RARB: variants seen among roughly 807,000 people sequenced by gnomAD.
RARB encodes the protein HBV-activated protein.
In RARB, 17 loss-of-function variants were observed where a neutral mutation model predicts 51.9. The observed-to-expected ratio is 0.33, with a 90% CI of 0.22 to 0.49. The LOEUF is 0.49. Among genes scored for constraint, RARB ranks in the 20% least tolerant of loss-of-function variants. The pLI, the probability that RARB is intolerant of heterozygous loss-of-function variation, is 0.99. For synonymous variants in RARB, 215 were observed against 195.4 expected (o/e 1.10, Z -0.84); for missense variants, 369 against 550.8 (o/e 0.67, Z 3.30).
At chr3:25,588,622 C>T (rs1212115289) in intron 5 of RARB, among the ~76,000 whole-genome samples, 2 of 152,224 alleles carry the variant, frequency 1.3e-5, no homozygotes, top group Non-Finnish European at 2.9e-5. Context: ...TTGGGTGGTT[C>T]TGGCTCGGTA....
At chr3:25,330,873 T>A (rs902129229) in intron 5 of RARB, among the ~76,000 whole-genome samples, 1 of 152,110 alleles carries the variant, frequency 6.6e-6, no homozygotes, top group Non-Finnish European at 1.5e-5. Context: ...GGGGTTGTAA[T>A]CCTAGTCTCT....
chr3:25,420,017 C>T (rs974122786), intron 5 of RARB, among the ~76,000 whole-genome samples: 1 of 152,090 alleles, frequency 6.6e-6, no homozygotes, highest in East Asian at 1.9e-4. Context: ...TGGGTTTATA[C>T]CCTGATGTTT....
chr3:25,151,550 A>G (rs969002351), intron 4 of RARB, among the ~76,000 whole-genome samples: 3 of 152,230 alleles, frequency 2.0e-5, no homozygotes, highest in Admixed American at 6.5e-5. Context: ...ATCTATAAAC[A>G]GAACCTACTA....
rs141386215 is a variant in RARB, at chr3:25,205,231, G to A, written c.178+30656G>A. On this transcript the variant is annotated intron_variant, in intron 5 of 11. Coordinates refer to the RARB transcript ENST00000383772. ...GCGTAGGACCCTCTGAGCCAGGCGC[G>A]GGATATAATCTCCTGCTGTGCAGTT... is the stretch of plus-strand genomic sequence containing the variant. 4.3e-3 allele frequency among the ~76,000 whole-genome samples: 649 copies of A among 152,254 alleles called. 3 individuals are homozygous for A. The highest frequency in any genetic ancestry group is 0.015 in the African/African-American group (615 of 41,550).
chr3:24,994,189 A>C (rs1203861919), intron 2 of RARB, among the ~76,000 whole-genome samples: 1 of 152,090 alleles, frequency 6.6e-6, no homozygotes, highest in Non-Finnish European at 1.5e-5. Context: ...CTTTTTAATA[A>C]TAGCCATTCT....
chr3:25,592,744 A>G (rs1701659857), intron 5 of RARB, among the ~76,000 whole-genome samples: 1 of 152,164 alleles, frequency 6.6e-6, no homozygotes. Context: ...GCCTGTAGAA[A>G]TCCTGCCTAC....
intron 5 of RARB, among the ~76,000 whole-genome samples, chr3:25,421,775 A>C (rs1707872264): frequency 6.6e-6 from 1 of 152,164 alleles, no homozygotes; most frequent in South Asian, 2.1e-4. Flanking sequence ...CGTAGGTACC[A>C]TTAATATTTA....
intron 2 of RARB, among the ~76,000 whole-genome samples, chr3:24,964,004 A>G (rs937421269): frequency 2.0e-5 from 3 of 152,194 alleles, no homozygotes; most frequent in African/African-American, 7.2e-5. Context: ...ATGTCTGAAC[A>G]GAACAAAAGG....
chr3:25,214,617 G>A (rs189803943), intron 5 of RARB, among the ~76,000 whole-genome samples: 19 of 152,234 alleles, frequency 1.2e-4, no homozygotes, highest in Middle Eastern at 3.4e-3. Context: ...TTAACAGGGC[G>A]TCCTGAAATG....
intron 2 of RARB, among the ~76,000 whole-genome samples, chr3:25,499,909 C>T (rs1347326349): frequency 6.6e-6 from 1 of 152,120 alleles, no homozygotes; most frequent in Non-Finnish European, 1.5e-5. Context: ...ATGTTTTGCA[C>T]CTACACTAGA....
intron 5 of RARB, among the ~76,000 whole-genome samples, chr3:25,224,808 T>A (rs145891418): frequency 0.022 from 3,278 of 152,112 alleles, 65 homozygotes; most frequent in Middle Eastern, 0.051. Context: ...TTTTGCCATG[T>A]TGCCCAGGCT....
chr3:25,245,025 C>T (rs1702524008), intron 5 of RARB, among the ~76,000 whole-genome samples: 1 of 152,160 alleles, frequency 6.6e-6, no homozygotes, highest in Admixed American at 6.5e-5. Context: ...ATAGTTAGCT[C>T]TTCTTGTTGC....
intron 3 of RARB, among the ~76,000 whole-genome samples, chr3:25,072,157 C>G (rs1034252673): frequency 7.2e-5 from 11 of 152,216 alleles, no homozygotes; most frequent in African/African-American, 2.7e-4. Flanking sequence ...TGCCTCAGTC[C>G]TCTCATTGCC....
At position 25,267,518 on chromosome 3, in the gene RARB, G is replaced by A. The variant is rs536365582; in HGVS notation, c.178+92943G>A. On this transcript the variant is annotated intron_variant, in intron 5 of 11. Coordinates refer to the RARB transcript ENST00000383772. Reference sequence around the variant, plus strand: ...TCCTAACTCTACCACTTACTTCTTTGATCTGTCTTTATCACCTCTTGTTCA... The same window carrying A: ...TCCTAACTCTACCACTTACTTCTTTAATCTGTCTTTATCACCTCTTGTTCA... 6.6e-5 allele frequency among the ~76,000 whole-genome samples: 10 copies of A among 152,116 alleles called. No homozygotes were observed. The South Asian group carries it at 1.7e-3, about 25-fold the overall frequency.
At chr3:25,020,089 G>A (rs1333684133) in intron 2 of RARB, 1 of 150,188 alleles carries the variant, frequency 6.7e-6, no homozygotes, top group African/African-American at 2.4e-5. Context: ...AGGTACAGAT[G>A]TATACTCAAG....
intron 3 of RARB, among the ~76,000 whole-genome samples, chr3:25,104,671 T>C (rs1699464918): frequency 6.6e-6 from 1 of 151,998 alleles, no homozygotes; most frequent in East Asian, 1.9e-4. Flanking sequence ...AATCTCACAG[T>C]GATACTATTG....
At chr3:25,316,735 G>A (rs1210052627) in intron 5 of RARB, among the ~76,000 whole-genome samples, 1 of 151,522 alleles carries the variant, frequency 6.6e-6, no homozygotes, top group East Asian at 1.9e-4. Flanking sequence ...TGGATTGCAA[G>A]GGACTGACAA....
At chr3:25,295,769 C>T (rs1703900950) in intron 5 of RARB, among the ~76,000 whole-genome samples, 2 of 152,134 alleles carry the variant, frequency 1.3e-5, no homozygotes, top group Non-Finnish European at 2.9e-5. Context: ...GACTAAGACA[C>T]TCACATGCTA....
chr3:25,261,193 A>G (rs1702988996), intron 5 of RARB, among the ~76,000 whole-genome samples: 1 of 152,126 alleles, frequency 6.6e-6, no homozygotes, highest in African/African-American at 2.4e-5. Flanking sequence ...TGCTATTGTC[A>G]TCATTATTGT....
Sources: gnomAD v4.1 joint callset for allele counts (sites outside exome capture counted in the v4.1 genomes callset) on GRCh38, gnomAD v4.1.1 for gene constraint, MANE v1.5 for transcripts, NCBI Gene and HGNC (gene_info 2026-07-23, HGNC 2026-07-21) for gene names.